The following FAM149A variants were observed in gnomAD, a reference collection of about 807,000 sequenced individuals.
FAM149A encodes protein FAM149A.
A neutral mutation model predicts 78.2 loss-of-function variants in FAM149A; 71 were observed. The observed-to-expected ratio is 0.91, with a 90% CI of 0.75 to 1.11. FAM149A has a LOEUF of 1.11. FAM149A is among the 50% of genes least tolerant of loss of function. FAM149A has a pLI of 0.00. For missense variants in FAM149A, 1,036 were observed against 971.0 expected (o/e 1.07, Z -0.89); for synonymous variants, 446 against 410.5 (o/e 1.09, Z -1.04).
intron 11 of FAM149A, among the ~76,000 whole-genome samples, chr4:186,166,566 G>A (rs1002975960): frequency 2.0e-5 from 3 of 148,770 alleles, no homozygotes; most frequent in Admixed American, 6.9e-5. Context: ...CAGGAGAATC[G>A]CTTGAACCCT....
intron 13 of FAM149A, chr4:186,167,468 G>T: frequency 1.7e-6 from 1 of 599,674 alleles, no homozygotes; most frequent in Non-Finnish European, 3.1e-6. Context: ...AGGTCAAGAA[G>T]AGGGGAATGT....
rs1732884685 is a variant in FAM149A at position 186,144,911 on chromosome 4, G to A, written c.567-4262G>A. 1.0e-6 allele frequency: 1 copy of A among 973,130 alleles called. No individual in the cohort carries two copies. The highest frequency in any genetic ancestry group is 6.5e-5 in the Admixed American group (1 of 15,456). The allele number at this position is 973,130 out of a possible 1,614,324, so 60.3% of individuals were successfully genotyped here. Reference sequence around the variant, plus strand: ...CGGGCGCGCCCGGGCCGCCTGAGCTGGGCCAGCCGCGCGGCGGGCGCGGGC... The same window carrying A: ...CGGGCGCGCCCGGGCCGCCTGAGCTAGGCCAGCCGCGCGGCGGGCGCGGGC... On this transcript the variant is annotated intron_variant, in intron 1 of 13. Transcript: ENST00000389354. This position sits in a 1 kb window ranked among gnomAD's most constrained non-coding sequence, Gnocchi z 4.2.
intron 1 of FAM149A, among the ~76,000 whole-genome samples, chr4:186,119,314 A>G (rs975272304): frequency 6.6e-6 from 1 of 152,228 alleles, no homozygotes; most frequent in Non-Finnish European, 1.5e-5. Flanking sequence ...TTATGTATTG[A>G]AAAAAGAGTT....
At chr4:186,163,024 G>A (rs1561415878) in intron 9 of FAM149A, 76 bp downstream of exon 9, 2 of 860,694 alleles carry the variant, frequency 2.3e-6, no homozygotes, top group Non-Finnish European at 3.9e-6. Flanking sequence ...AGACTGCAGG[G>A]GACATGAGAT....
intron 11 of FAM149A, among the ~76,000 whole-genome samples, chr4:186,166,122 C>T (rs76996238): frequency 6.6e-6 from 1 of 152,134 alleles, no homozygotes; most frequent in East Asian, 1.9e-4. Context: ...CCAGGCAGCC[C>T]CCAGGTTTAC....
chr4:186,136,856 C>T (rs1047877868), intron 1 of FAM149A, among the ~76,000 whole-genome samples: 16 of 152,096 alleles, frequency 1.1e-4, no homozygotes, highest in East Asian at 1.9e-4. Flanking sequence ...TGTCTGTGCC[C>T]GAGTTTTCTC....
chr4:186,113,284 C>T (rs1294842719), intron 1 of FAM149A, among the ~76,000 whole-genome samples: 2 of 122,844 alleles, frequency 1.6e-5, no homozygotes, highest in Non-Finnish European at 1.7e-5. Context: ...TGATTCTTCT[C>T]TCTTTTTTTA....
chr4:186,160,938 C>A, intron 8 of FAM149A: 1 of 935,308 alleles, frequency 1.1e-6, no homozygotes, highest in South Asian at 4.9e-5. Context: ...CCTCAATTTC[C>A]TGATTTATGA....
At chr4:186,149,804 A>T in intron 3 of FAM149A, 100 bp downstream of exon 3, 2 of 812,564 alleles carry the variant, frequency 2.5e-6, no homozygotes, top group Admixed American at 7.7e-5. Flanking sequence ...TAAAAGCATG[A>T]CCTATTGCAT....
chr4:186,160,681 C>G (rs1216354001), intron 8 of FAM149A: 1 of 502,688 alleles, frequency 2.0e-6, no homozygotes, highest in Non-Finnish European at 2.6e-6. Flanking sequence ...TACACACACA[C>G]CTTCACACAT....
At chr4:186,151,135 C>T (rs1733544397) in intron 3 of FAM149A, 4 of 794,570 alleles carry the variant, frequency 5.0e-6, no homozygotes, top group Non-Finnish European at 6.1e-6. Flanking sequence ...GAAAGGGACT[C>T]AGCTCAGCAC....
At chr4:186,142,963 C>T (rs562866734) in intron 1 of FAM149A, among the ~76,000 whole-genome samples, 4 of 152,180 alleles carry the variant, frequency 2.6e-5, no homozygotes, top group African/African-American at 9.6e-5. Flanking sequence ...TACATCCTAG[C>T]TGTGTGACCT....
chr4:186,150,480 C>T (rs1186741142), intron 3 of FAM149A, among the ~76,000 whole-genome samples: 17 of 114,488 alleles, frequency 1.5e-4, no homozygotes, highest in African/African-American at 2.0e-4. Context: ...AGTGCAGGGG[C>T]GCGATCTCGG....
Position 186,175,167 on chromosome 4 carries a change from T to C in FAM149A, c.*3180T>C, listed in dbSNP as rs971574157. On this transcript the variant is annotated 3_prime_UTR_variant, in exon 14 of 14. Transcript: ENST00000389354. ...GAACTAGATGGAATTTCTACACCAA[T>C]TCAGAAGTACGTTTTTATATATCAT... 3.6e-5 allele frequency among the ~76,000 whole-genome samples: 4 copies of C among 111,856 alleles called. No homozygotes were observed. The highest frequency in any genetic ancestry group is 3.5e-4 in the Admixed American group (4 of 11,488). The allele number at this position is 111,856 out of a possible 152,430, so 73.4% of individuals were successfully genotyped here.
intron 1 of FAM149A, chr4:186,124,005 G>C: frequency 4.1e-6 from 4 of 985,238 alleles, no homozygotes; most frequent in Non-Finnish European, 4.8e-6. Context: ...TGAAAGAAGG[G>C]GCTACACACT....
intron 1 of FAM149A, among the ~76,000 whole-genome samples, chr4:186,134,972 A>C (rs913989320): frequency 6.6e-6 from 1 of 152,226 alleles, no homozygotes. Context: ...GACAGAATGT[A>C]TAACAGATGA....
intron 3 of FAM149A, among the ~76,000 whole-genome samples, chr4:186,150,098 C>T (rs1019205041): frequency 6.6e-6 from 1 of 150,908 alleles, no homozygotes; most frequent in Non-Finnish European, 1.5e-5. Flanking sequence ...CCAGTATTCC[C>T]AGTCGGATAT....
intron 1 of FAM149A, chr4:186,131,778 C>A: frequency 6.8e-6 from 3 of 440,314 alleles, no homozygotes; most frequent in Non-Finnish European, 9.0e-6. Context: ...GCATCTCATC[C>A]TCGAGGATAG....
chr4:186,137,194 G>T (rs2099323743), intron 1 of FAM149A, among the ~76,000 whole-genome samples: 1 of 151,898 alleles, frequency 6.6e-6, no homozygotes, highest in South Asian at 2.1e-4. Flanking sequence ...AAGCTAGACT[G>T]GACTGATCTG....
Sources: allele counts gnomAD v4.1 joint callset (sites outside exome capture counted in the v4.1 genomes callset), GRCh38; gene constraint gnomAD v4.1.1; non-coding constraint Gnocchi (gnomAD v3.1); transcripts MANE v1.5; gene names NCBI Gene and HGNC (gene_info 2026-07-23, HGNC 2026-07-21).